CEACAM5: variants seen among roughly 807,000 people sequenced by gnomAD.
CEACAM5 encodes cell adhesion molecule CEACAM5.
CEACAM5 carries 52 observed loss-of-function variants against 63.0 expected under a neutral mutation model. The ratio of observed to expected loss-of-function variants is 0.83; its 90% CI spans 0.66 to 1.04. CEACAM5 has a LOEUF of 1.04. Among genes scored for constraint, CEACAM5 ranks in the 50% least tolerant of loss-of-function variants. The probability of loss-of-function intolerance (pLI) is 0.00; values close to 1 mark genes in which losing one functional copy is unlikely to be tolerated. For synonymous variants in CEACAM5, 357 were observed against 351.3 expected (o/e 1.02, Z -0.18); for missense variants, 790 against 864.8 (o/e 0.91, Z 1.08).
At chr19:41,716,064 CTCTTT>C (rs1422736006) in intron 4 of CEACAM5, among the ~76,000 whole-genome samples, 160 bp downstream of exon 4, 1 of 152,192 alleles carries the variant, frequency 6.6e-6, no homozygotes, top group Admixed American at 6.5e-5. Flanking sequence ...TCTCTACAGA[CTCTTT>C]TCTTCTTGTT....
At chr19:41,716,801 T>C (rs1357091261) in intron 4 of CEACAM5, among the ~76,000 whole-genome samples, 2 of 152,222 alleles carry the variant, frequency 1.3e-5, no homozygotes, top group African/African-American at 4.8e-5. Flanking sequence ...TGCAGTTCAG[T>C]GGTATTAAAT....
At chr19:41,722,564 G>C (rs558779998) in intron 8 of CEACAM5, among the ~76,000 whole-genome samples, 61 of 152,026 alleles carry the variant, frequency 4.0e-4, no homozygotes, top group African/African-American at 1.4e-3. Flanking sequence ...CTATTCTAAC[G>C]ATCTTACAAA....
In CEACAM5 at chr19:41,715,160, T is replaced by C. The variant is rs782602037; in HGVS notation, c.614T>C (p.Val205Ala). The change falls in exon 3 of 10, where the codon GTC becomes GCC. Residue 205 changes from valine (V) to alanine (A), a missense_variant. Physicochemically the swap from Val to Ala is moderately conservative, Grantham distance 64. Transcript: ENST00000221992. ...AACAGGACCCTCACTCTATTCAATG[T>C]CACAAGAAATGACACAGCAAGCTAC... ...NGNRTLTLFNVTRNDTASYKC... is the reference protein window; with the variant it reads ...NGNRTLTLFNATRNDTASYKC... The C allele has an allele frequency of 1.9e-6, 3 of 1,614,034 alleles. No individual in the cohort carries two copies. The African/African-American group carries it at 4.0e-5, about 22-fold the overall frequency.
In CEACAM5 at chr19:41,718,243, T is replaced by G. The variant is rs1555815420; in HGVS notation, c.1353T>G (p.Ile451Met). 8.7e-6 allele frequency: 14 copies of G among 1,614,186 alleles called. No individual in the cohort carries two copies. The South Asian group carries it at 1.3e-4, about 15-fold the overall frequency. Residue 451 changes from isoleucine (I) to methionine (M), a missense_variant, in exon 6 of 10, where the codon ATT (isoleucine) becomes ATG (methionine). Ile to Met is a conservative substitution (Grantham distance 10, BLOSUM62 1). Transcript: ENST00000221992. ...CACCTGCACAGTATTCTTGGCTGATTGATGGGAACATCCAGCAACACACAC... is the reference window on the plus strand; with the variant it reads ...CACCTGCACAGTATTCTTGGCTGATGGATGGGAACATCCAGCAACACACAC... ...SNPPAQYSWL[I>M]DGNIQQHTQE...
At position 41,709,683 on chromosome 19, in the gene CEACAM5, C is replaced by T; in HGVS notation, c.68C>T (p.Ser23Leu). 6.2e-7 allele frequency: 1 copy of T among 1,613,224 alleles called. No individual in the cohort carries two copies. Among genetic ancestry groups the T allele is most frequent in the Non-Finnish European group, 8.5e-7 (1 of 1,179,436 alleles). The change falls in exon 2 of 10, where the codon TCA (serine) becomes TTA (leucine). Residue 23 changes from serine (S) to leucine (L), a missense_variant. Coordinates refer to ENST00000221992, the MANE Select transcript of CEACAM5 (RefSeq NM_004363.6). ...IPWQRLLLTASLLTFWNPPTT... is the reference protein window; with the variant it reads ...IPWQRLLLTALLLTFWNPPTT... ...GATGCTCTCTGCTCTCTCCTAGCCT[C>T]ACTTCTAACCTTCTGGAACCCGCCC...
At position 41,715,441 on chromosome 19, in the gene CEACAM5, G is replaced by C. The variant is rs150028122; in HGVS notation, c.703+192G>C. The C allele has an allele frequency of 3.8e-5, 43 of 1,127,430 alleles. No individual in the cohort carries two copies. The South Asian group carries it at 5.2e-4, about 14-fold the overall frequency. 69.8% of individuals were successfully genotyped at this position (1,127,430 alleles called of 1,614,324 possible). A position where few individuals can be genotyped will look rare whatever the true frequency, so the allele number is the denominator to read the frequency against. ...GACCAAGAATAGGAGGGGAGGGGCTGCTTCTGTCCTGGGAGGCTCAGGGTC... is the reference window on the plus strand; with the variant it reads ...GACCAAGAATAGGAGGGGAGGGGCTCCTTCTGTCCTGGGAGGCTCAGGGTC... On this transcript the variant is annotated intron_variant, in intron 3 of 9. Coordinates refer to ENST00000221992, the MANE Select transcript of CEACAM5 (RefSeq NM_004363.6).
intron 1 of CEACAM5, among the ~76,000 whole-genome samples, chr19:41,709,466 C>G (rs2072396213): frequency 6.6e-6 from 1 of 151,802 alleles, no homozygotes; most frequent in African/African-American, 2.4e-5. Flanking sequence ...AAAGCAGATT[C>G]CACACAGGGA....
intron 8 of CEACAM5, among the ~76,000 whole-genome samples, chr19:41,722,124 G>A (rs1301089998): frequency 2.0e-5 from 3 of 152,098 alleles, no homozygotes; most frequent in Admixed American, 6.6e-5. Context: ...ATTGCCCGGT[G>A]TGGTGGCTCA....
chr19:41,710,686 G>A (rs2072422343), intron 2 of CEACAM5, among the ~76,000 whole-genome samples: 1 of 152,112 alleles, frequency 6.6e-6, no homozygotes, highest in Non-Finnish European at 1.5e-5. Context: ...ATTGCCCTGG[G>A]GACATAGGTG....
rs782054040 is a variant in CEACAM5 at position 41,715,098 on chromosome 19, C to T, written c.552C>T (p.Ser184=). 1.2e-6 allele frequency: 2 copies of T among 1,614,176 alleles called. No homozygotes were observed. Among genetic ancestry groups the T allele is most frequent in the South Asian group, 1.1e-5 (1 of 91,084 alleles). ...ATYLWWVNNQ[S]LPVSPRLQLS... ...ACCTGTGGTGGGTAAACAATCAGAG[C>T]CTCCCGGTCAGTCCCAGGCTGCAGC... The change falls in exon 3 of 10, where the codon AGC becomes AGT. Residue 184 remains serine (S), a synonymous_variant. Coordinates refer to ENST00000221992, the MANE Select transcript of CEACAM5 (RefSeq NM_004363.6).
Position 41,727,302 on chromosome 19 carries a change from G to T in CEACAM5, c.2095G>T (p.Val699Phe), listed in dbSNP as rs202005812. ...CATCATGATTGGAGTGCTGGTTGGGGTTGCTCTGATATAGCAGCCCTGGTG... is the reference window on the plus strand; with the variant it reads ...CATCATGATTGGAGTGCTGGTTGGGTTTGCTCTGATATAGCAGCCCTGGTG... ...VGIMIGVLVG[V>F]ALI Residue 699 changes from valine to phenylalanine, a missense_variant, in exon 9 of 10, where the codon GTT becomes TTT. By Grantham distance (50) the Val-to-Phe change is conservative. Transcript: ENST00000221992. 3.1e-6 allele frequency: 5 copies of T among 1,613,682 alleles called. No homozygotes were observed. In the African/African-American group the frequency reaches 5.3e-5, roughly 17 times the overall value.
intron 6 of CEACAM5, among the ~76,000 whole-genome samples, chr19:41,718,790 A>C (rs1407334624): frequency 6.6e-6 from 1 of 152,234 alleles, no homozygotes; most frequent in Non-Finnish European, 1.5e-5. Flanking sequence ...ACAAGCTCAC[A>C]CTTTTTCCCC....
In CEACAM5 at chr19:41,729,550, T is replaced by G. The variant is rs2072745230; in HGVS notation, c.*403T>G. 1 of 152,170 alleles carries G rather than the reference T, an allele frequency of 6.6e-6. No homozygotes were observed. 9.4% of individuals were successfully genotyped at this position (152,170 alleles called of 1,614,324 possible). ...ACAAGTTTCTGATACCACTGCACTG[T>G]CTGAGAATTTCCAAAACTTTAATGA... is the stretch of plus-strand genomic sequence containing the variant. On this transcript the variant is annotated 3_prime_UTR_variant, in exon 10 of 10. Transcript: ENST00000221992.
chr19:41,723,680 G>A (rs541315630), intron 8 of CEACAM5, among the ~76,000 whole-genome samples: 30 of 152,064 alleles, frequency 2.0e-4, no homozygotes, highest in Middle Eastern at 6.8e-3. Flanking sequence ...GGCCCTGCAC[G>A]GTGGTTCCTG....
At position 41,730,185 on chromosome 19, in the gene CEACAM5, C is replaced by T. The variant is rs782374669; in HGVS notation, c.*1038C>T. On this transcript the variant is annotated 3_prime_UTR_variant, in exon 10 of 10. Coordinates refer to ENST00000221992, the MANE Select transcript of CEACAM5 (RefSeq NM_004363.6). ...CCTGTAATCCCAGCACTTTGATCCG[C>T]CGAGGCGGGCGGATCACGAGGTCAG... Among the ~76,000 whole-genome samples, 23 of 152,166 alleles carry T rather than the reference C, an allele frequency of 1.5e-4. No homozygotes were observed. Among genetic ancestry groups the T allele is most frequent in the Non-Finnish European group, 3.1e-4 (21 of 68,026 alleles).
intron 8 of CEACAM5, among the ~76,000 whole-genome samples, chr19:41,726,657 A>C (rs2072704646): frequency 6.6e-6 from 1 of 152,140 alleles, no homozygotes. Context: ...TGAGAAGGAG[A>C]AAGAGGAGAG....
chr19:41,727,142 G>A, intron 8 of CEACAM5, 92 bp from the exon 9 acceptor site: 1 of 935,638 alleles, frequency 1.1e-6, no homozygotes. Flanking sequence ...AGTAGAGACT[G>A]CTTCATGCTG....
At chr19:41,718,821 T>C (rs2072570839) in intron 6 of CEACAM5, among the ~76,000 whole-genome samples, 3 of 152,214 alleles carry the variant, frequency 2.0e-5, no homozygotes, top group Admixed American at 2.0e-4. Flanking sequence ...AGGATGCCCC[T>C]TGGATGAGGG....
rs782256140 is a variant in CEACAM5 at position 41,710,053 on chromosome 19, C to T, written c.424+14C>T. 1.3e-6 allele frequency: 2 copies of T among 1,586,270 alleles called. No individual in the cohort carries two copies. Among genetic ancestry groups the T allele is most frequent in the Non-Finnish European group, 1.7e-6 (2 of 1,166,560 alleles). ...TCCGGGTATACCGTGAGTGATTCCC[C>T]CATGACCTCTGGGTGTTGGGGGTCA... On this transcript the variant is annotated intron_variant, in intron 2 of 9. Transcript: ENST00000221992.
Sources: gnomAD v4.1 joint callset for allele counts (sites outside exome capture counted in the v4.1 genomes callset) on GRCh38, gnomAD v4.1.1 for gene constraint, MANE v1.5 for transcripts, NCBI Gene and HGNC (gene_info 2026-07-23, HGNC 2026-07-21) for gene names.